EFCAB6: variants seen among roughly 807,000 people sequenced by gnomAD.
EFCAB6 encodes EF-hand calcium-binding domain-containing protein 6.
A neutral mutation model predicts 169.8 loss-of-function variants in EFCAB6; 156 were observed. The ratio of observed to expected loss-of-function variants is 0.92; its 90% CI spans 0.81 to 1.05. The LOEUF is 1.05. Among genes scored for constraint, EFCAB6 ranks in the 50% least tolerant of loss-of-function variants. The probability of loss-of-function intolerance (pLI) is 0.00; values close to 1 mark genes in which losing one functional copy is unlikely to be tolerated. For synonymous variants in EFCAB6, 698 were observed against 676.4 expected, an observed-to-expected ratio of 1.03 and a Z score of -0.50; for missense variants, 1,800 against 1,829.1, an observed-to-expected ratio of 0.98 and a Z score of 0.29.
chr22:43,771,056 G>C (rs1366220312), intron 4 of EFCAB6, among the ~76,000 whole-genome samples: 1 of 152,146 alleles, frequency 6.6e-6, no homozygotes, highest in African/African-American at 2.4e-5. Flanking sequence ...ATACACAGTG[G>C]GTTGTAGTAC....
intron 21 of EFCAB6, among the ~76,000 whole-genome samples, chr22:43,611,797 CAAAAT>C (rs563260462): frequency 1.3e-5 from 2 of 151,524 alleles, no homozygotes; most frequent in East Asian, 1.9e-4. Context: ...GACCCTGTCT[CAAAAT>C]AAAATAAAAT....
intron 17 of EFCAB6, among the ~76,000 whole-genome samples, chr22:43,652,242 T>G (rs1451057138): frequency 6.6e-6 from 1 of 152,190 alleles, no homozygotes; most frequent in Non-Finnish European, 1.5e-5. Flanking sequence ...GTTCTCTTGA[T>G]GGTGAATAAG....
Position 43,713,948 on chromosome 22 carries a change from A to C in EFCAB6, c.883-2325T>G, listed in dbSNP as rs371569027. ...AAGACAAAGAACCCGGAATGGAAGA[A>C]GACAGAATATAAAAGAATATGAACA... is the stretch of plus-strand genomic sequence containing the variant. On this transcript the variant is annotated intron_variant, in intron 9 of 31. Transcript: ENST00000262726. Among the ~76,000 whole-genome samples the C allele has an allele frequency of 1.2e-4, 18 of 152,352 alleles. 1 individual carries two copies. Among genetic ancestry groups the C allele is most frequent in the East Asian group, 7.7e-4 (4 of 5,190 alleles).
intron 3 of EFCAB6, among the ~76,000 whole-genome samples, chr22:43,780,377 C>G (rs758921446): frequency 6.7e-5 from 10 of 150,308 alleles, no homozygotes; most frequent in Non-Finnish European, 1.2e-4. Flanking sequence ...ATTCCAGCTA[C>G]TCAGGAGGCT....
chr22:43,791,587 T>G (rs1031414680), intron 2 of EFCAB6, among the ~76,000 whole-genome samples: 8 of 151,342 alleles, frequency 5.3e-5, no homozygotes, highest in African/African-American at 1.7e-4. Context: ...ATGAGAAGAA[T>G]AAGTTCTAAG....
chr22:43,772,007 A>G (rs2061486497), intron 4 of EFCAB6, among the ~76,000 whole-genome samples: 1 of 152,064 alleles, frequency 6.6e-6, no homozygotes, highest in African/African-American at 2.4e-5. Context: ...TCATCTCGAG[A>G]ATACTCACTC....
chr22:43,810,729 A>G (rs1017396124), intron 1 of EFCAB6, among the ~76,000 whole-genome samples: 2 of 152,228 alleles, frequency 1.3e-5, no homozygotes, highest in South Asian at 4.1e-4. Flanking sequence ...TTCTTGATAA[A>G]TATCTATGAT....
intron 10 of EFCAB6, among the ~76,000 whole-genome samples, chr22:43,691,223 AT>A (rs2058402162): frequency 6.6e-6 from 1 of 152,138 alleles, no homozygotes; most frequent in South Asian, 2.1e-4. Flanking sequence ...TCTGACTCAA[AT>A]TTGAGTCTTT....
At chr22:43,761,442 G>A (rs933156396) in intron 5 of EFCAB6, among the ~76,000 whole-genome samples, 1 of 151,412 alleles carries the variant, frequency 6.6e-6, no homozygotes, top group Admixed American at 6.6e-5. Flanking sequence ...GTCCACAAAT[G>A]TTCCTTTCAG....
intron 17 of EFCAB6, among the ~76,000 whole-genome samples, chr22:43,651,443 G>A (rs2056462411): frequency 6.6e-6 from 1 of 152,276 alleles, no homozygotes; most frequent in African/African-American, 2.4e-5. Context: ...GGAAACGCCT[G>A]GATGTCTAAG....
At chr22:43,698,932 T>C (rs2058672917) in intron 10 of EFCAB6, among the ~76,000 whole-genome samples, 1 of 152,188 alleles carries the variant, frequency 6.6e-6, no homozygotes, top group African/African-American at 2.4e-5. Context: ...CATTGCCTTA[T>C]ACAAAAAGCA....
Position 43,572,031 on chromosome 22 carries a change from G to A in EFCAB6, c.3420+4266C>T, listed in dbSNP as rs192376267. Among the ~76,000 whole-genome samples the A allele has an allele frequency of 8.0e-4, 122 of 152,296 alleles. 1 individual carries two copies. Among genetic ancestry groups the A allele is most frequent in the Non-Finnish European group, 1.4e-3 (94 of 68,020 alleles). On this transcript the variant is annotated intron_variant, in intron 26 of 31. Coordinates refer to ENST00000262726, the MANE Select transcript of EFCAB6 (RefSeq NM_022785.4). The surrounding 1 kb of genome is among the most constrained non-coding windows in gnomAD (Gnocchi z 4.0). ...CCATTGAATTCCCAGAAAACAGATC[G>A]CACACTGATGGGACAGGGCAGGAGG...
intron 26 of EFCAB6, among the ~76,000 whole-genome samples, chr22:43,557,661 T>A (rs1020216564): frequency 1.4e-4 from 21 of 152,156 alleles, no homozygotes; most frequent in African/African-American, 4.8e-4. Flanking sequence ...AGAGTCATAT[T>A]CCAATTATTG....
Position 43,678,030 on chromosome 22 carries a change from C to T in EFCAB6, c.1385G>A (p.Ser462Asn). The T allele has an allele frequency of 6.2e-7, 1 of 1,613,806 alleles. No homozygotes were observed. Among genetic ancestry groups the T allele is most frequent in the Non-Finnish European group, 8.5e-7 (1 of 1,179,934 alleles). ...CTCTTCAATCAGATCAATAAACATGCTGGTGTTGACCACTCCAGTGTCCCC... is the reference window on the plus strand; with the variant it reads ...CTCTTCAATCAGATCAATAAACATGTTGGTGTTGACCACTCCAGTGTCCCC... ...DPGDTGVVNTSMFIDLIEENC... is the reference protein window; with the variant it reads ...DPGDTGVVNTNMFIDLIEENC... The change falls in exon 13 of 32, where the codon AGC becomes AAC. Residue 462 changes from serine (S) to asparagine (N), a missense_variant. Coordinates refer to ENST00000262726, the MANE Select transcript of EFCAB6 (RefSeq NM_022785.4).
intron 9 of EFCAB6, among the ~76,000 whole-genome samples, chr22:43,714,836 A>ACAGG (rs2059277886): frequency 6.6e-6 from 1 of 152,208 alleles, no homozygotes; most frequent in Non-Finnish European, 1.5e-5. Flanking sequence ...CAAAAAATAA[A>ACAGG]TCAAAATAAA....
intron 27 of EFCAB6, among the ~76,000 whole-genome samples, chr22:43,545,520 C>T (rs1451423585): frequency 6.6e-6 from 1 of 152,184 alleles, no homozygotes; most frequent in African/African-American, 2.4e-5. Flanking sequence ...GACGGGTGAA[C>T]AAAAACCTGA....
intron 23 of EFCAB6, among the ~76,000 whole-genome samples, chr22:43,590,764 A>AGTAGGTTT (rs1001561420): frequency 1.3e-5 from 2 of 149,982 alleles, no homozygotes; most frequent in Non-Finnish European, 1.5e-5. Context: ...AAAAAAAGAC[A>AGTAGGTTT]GTAGGTTTGT....
intron 10 of EFCAB6, among the ~76,000 whole-genome samples, chr22:43,707,332 C>T (rs1478198618): frequency 6.6e-6 from 1 of 151,976 alleles, no homozygotes; most frequent in African/African-American, 2.4e-5. Context: ...ATAGGAGTTC[C>T]AGAAGAAAAG....
intron 17 of EFCAB6, among the ~76,000 whole-genome samples, chr22:43,643,323 G>C (rs1474941949): frequency 1.3e-5 from 2 of 152,244 alleles, no homozygotes; most frequent in Non-Finnish European, 2.9e-5. Context: ...ATTTGAACAC[G>C]AGTTGGTCGG....
Sources: gnomAD v4.1 joint callset for allele counts (sites outside exome capture counted in the v4.1 genomes callset) on GRCh38, gnomAD v4.1.1 for gene constraint, Gnocchi (gnomAD v3.1) non-coding constraint, MANE v1.5 for transcripts, NCBI Gene and HGNC (gene_info 2026-07-23, HGNC 2026-07-21) for gene names.